The following GSE1 variants were observed in gnomAD, a reference collection of about 807,000 sequenced individuals.
GSE1 encodes the protein Gse1 coiled-coil protein, also known as genetic suppressor element 1.
GSE1 carries 32 observed loss-of-function variants against 112.6 expected under a neutral mutation model. The observed-to-expected ratio is 0.28, with a 90% CI of 0.21 to 0.38. The LOEUF is 0.38. GSE1 is among the 10% of genes least tolerant of loss of function. The pLI, the probability that GSE1 is intolerant of heterozygous loss-of-function variation, is 1.00. For synonymous variants in GSE1, 1,115 were observed against 735.6 expected (o/e 1.52, Z -8.35); for missense variants, 2,348 against 1,699.2 (o/e 1.38, Z -6.71).
At chr16:85,265,822 T>C (rs529314455) in intron 1 of GSE1, among the ~76,000 whole-genome samples, 26 of 152,186 alleles carry the variant, frequency 1.7e-4, no homozygotes, top group South Asian at 4.1e-4. Flanking sequence ...ATGATTGAAT[T>C]TTCCTGATGA....
chr16:85,544,834 GAGA>G (rs1467756948), intron 2 of GSE1, among the ~76,000 whole-genome samples: 2 of 152,242 alleles, frequency 1.3e-5, no homozygotes, highest in East Asian at 3.9e-4. Context: ...AGTGCCTGGG[GAGA>G]AGAAAGCCTT....
rs368985239 is a variant in GSE1, at chr16:85,382,194, C to T, written c.2464+24551C>T. 4.6e-5 allele frequency among the ~76,000 whole-genome samples: 7 copies of T among 152,268 alleles called. No individual in the cohort carries two copies. The East Asian group carries it at 5.8e-4, about 13-fold the overall frequency. ...TGCTGGGGCCCGGGGCTCGCTCAGG[C>T]GGCCCTCGATGGCTCATCTCCCCTG... On this transcript the variant is annotated intron_variant, in intron 2 of 2. Coordinates refer to the GSE1 transcript ENST00000637419.
intron 2 of GSE1, among the ~76,000 whole-genome samples, chr16:85,461,080 C>G (rs1421843342): frequency 6.6e-6 from 1 of 152,250 alleles, no homozygotes; most frequent in Non-Finnish European, 1.5e-5. Flanking sequence ...TAGGGAGCAC[C>G]TGCTTCGGGC....
intron 15 of GSE1, 58 bp from the exon 16 acceptor site, chr16:85,672,347 C>G: frequency 7.3e-7 from 1 of 1,367,892 alleles, no homozygotes; most frequent in Non-Finnish European, 1.0e-6. Context: ...TTGTACTCTA[C>G]ATGCTTGTCC....
chr16:85,228,859 A>C (rs542161294), intron 1 of GSE1, among the ~76,000 whole-genome samples: 4 of 152,308 alleles, frequency 2.6e-5, no homozygotes, highest in South Asian at 2.1e-4. Flanking sequence ...AGTTTACCCC[A>C]CTAGAAGGCA....
intron 1 of GSE1, among the ~76,000 whole-genome samples, chr16:85,601,621 A>G (rs1385891917): frequency 1.3e-5 from 2 of 152,172 alleles, no homozygotes; most frequent in Non-Finnish European, 2.9e-5. Context: ...AAAAATCTCC[A>G]CACCAGGAAC....
chr16:85,500,450 T>A (rs1165618505), intron 2 of GSE1, among the ~76,000 whole-genome samples: 1 of 152,262 alleles, frequency 6.6e-6, no homozygotes, highest in Non-Finnish European at 1.5e-5. Context: ...CACTGACATG[T>A]GCACAGCCCA....
At chr16:85,331,707 ATTTTTTTTTT>A (rs566551746) in intron 1 of GSE1, among the ~76,000 whole-genome samples, 2 of 51,978 alleles carry the variant, frequency 3.8e-5, no homozygotes, top group South Asian at 5.9e-4. Flanking sequence ...ATATATATAT[ATTTTTTTTTT>A]TTTTTTTTTT....
intron 2 of GSE1, among the ~76,000 whole-genome samples, chr16:85,454,358 G>A (rs1370982501): frequency 1.3e-5 from 2 of 152,224 alleles, no homozygotes; most frequent in African/African-American, 2.4e-5. Flanking sequence ...CATGCGGCAG[G>A]GGAGCGGCCA....
chr16:85,358,790 C>T (rs1052611701), intron 2 of GSE1, among the ~76,000 whole-genome samples: 4 of 152,228 alleles, frequency 2.6e-5, no homozygotes, highest in African/African-American at 4.8e-5. Flanking sequence ...ACAAAACAGG[C>T]CAGGCAGGGA....
At chr16:85,360,625 G>A (rs962716760) in intron 2 of GSE1, among the ~76,000 whole-genome samples, 10 of 152,202 alleles carry the variant, frequency 6.6e-5, no homozygotes, top group South Asian at 6.2e-4. Context: ...CCAGCTGGGC[G>A]GCGGGGCGGG....
intron 9 of GSE1, 133 bp downstream of exon 9, chr16:85,661,898 C>A: frequency 1.2e-6 from 1 of 858,480 alleles, no homozygotes; most frequent in Non-Finnish European, 1.7e-6. Flanking sequence ...CCCCAGGTGG[C>A]AAGTGCACTG....
At chr16:85,425,480 A>C (rs970011551) in intron 2 of GSE1, among the ~76,000 whole-genome samples, 7 of 152,190 alleles carry the variant, frequency 4.6e-5, no homozygotes, top group Non-Finnish European at 8.8e-5. Flanking sequence ...CGTGATGCTC[A>C]TGAGACAAAA....
At chr16:85,462,137 T>A (rs1417412152) in intron 2 of GSE1, among the ~76,000 whole-genome samples, 1 of 152,094 alleles carries the variant, frequency 6.6e-6, no homozygotes, top group Non-Finnish European at 1.5e-5. Context: ...ACACACCCTC[T>A]GTCCCCAGCA....
At position 85,259,076 on chromosome 16, in the gene GSE1, C is replaced by T. The variant is rs574561688; in HGVS notation, c.2283+87269C>T. ...TCCTGGAGAGAGGAGGGGGCCTTGA[C>T]CTCTGCCCGGGCAGGATAGGGGCTC... On this transcript the variant is annotated intron_variant, in intron 1 of 2. Coordinates refer to the GSE1 transcript ENST00000637419. Among the ~76,000 whole-genome samples the T allele has an allele frequency of 8.4e-4, 128 of 152,272 alleles. 1 individual carries two copies. Among genetic ancestry groups the T allele is most frequent in the Non-Finnish European group, 1.2e-3 (85 of 68,010 alleles).
chr16:85,217,565 A>T (rs1414992741), intron 1 of GSE1, among the ~76,000 whole-genome samples: 1 of 152,198 alleles, frequency 6.6e-6, no homozygotes, highest in Non-Finnish European at 1.5e-5. Flanking sequence ...AGTGCGTGAG[A>T]AGTGATGCTG....
Position 85,663,576 on chromosome 16 carries a change from T to A in GSE1, c.2606T>A (p.Ile869Asn), listed in dbSNP as rs766840429. 6.2e-7 allele frequency: 1 copy of A among 1,613,684 alleles called. No individual in the cohort carries two copies. The highest frequency in any genetic ancestry group is 1.1e-5 in the South Asian group (1 of 91,066). ...NFEEKKKFLT[I>N]FNLTHISAEK... ...GAAGAAAAGAAGAAGTTCCTGACCATCTTCAACCTGACCCACATCAGCGCT... is the reference window on the plus strand; with the variant it reads ...GAAGAAAAGAAGAAGTTCCTGACCAACTTCAACCTGACCCACATCAGCGCT... Residue 869 changes from isoleucine (I) to asparagine (N), a missense_variant, in exon 11 of 16, where the codon ATC (isoleucine) becomes AAC (asparagine). Ile to Asn is a moderately radical substitution (Grantham distance 149). Transcript: ENST00000253458.
chr16:85,183,172 TACAC>T (rs939334947), intron 1 of GSE1, among the ~76,000 whole-genome samples: 2 of 152,000 alleles, frequency 1.3e-5, no homozygotes, highest in Non-Finnish European at 2.9e-5. Context: ...CATTTGCATG[TACAC>T]ACACCCGCAT....
At chr16:85,582,663 T>G (rs1009323434) in intron 1 of GSE1, among the ~76,000 whole-genome samples, 2 of 152,070 alleles carry the variant, frequency 1.3e-5, no homozygotes, top group African/African-American at 4.8e-5. Context: ...TGGAGCTCAG[T>G]CCTCCCCGTG....
Sources: gnomAD v4.1 joint callset for allele counts (sites outside exome capture counted in the v4.1 genomes callset) on GRCh38, gnomAD v4.1.1 for gene constraint, MANE v1.5 for transcripts, NCBI Gene and HGNC (gene_info 2026-07-23, HGNC 2026-07-21) for gene names.